The following QTMAN variants were observed in gnomAD, a reference collection of about 807,000 sequenced individuals.
The protein encoded by QTMAN is queuosine-tRNA mannosyltransferase.
At chr2:144,244,676 C>T in the QTMAN span, among the ~76,000 whole-genome samples, 2 of 151,820 alleles carry the variant, frequency 1.3e-5, no homozygotes, top group African/African-American at 4.8e-5. Context: ...TTTTTAAACG[C>T]AAATAATAAT....
the QTMAN span, chr2:143,947,220 C>A: frequency 1.0e-6 from 1 of 970,408 alleles, no homozygotes; most frequent in South Asian, 1.4e-5. Context: ...ATTTATATTG[C>A]AAATTTGCAT....
At chr2:144,152,983 T>C in the QTMAN span, among the ~76,000 whole-genome samples, 3 of 152,168 alleles carry the variant, frequency 2.0e-5, no homozygotes, top group South Asian at 6.2e-4. Context: ...CTAAGAGCAG[T>C]GAAAAACCAG....
the QTMAN span, among the ~76,000 whole-genome samples, chr2:144,131,874 A>G: frequency 1.3e-5 from 2 of 152,022 alleles, no homozygotes; most frequent in African/African-American, 4.8e-5. Context: ...CCTAGCTTCC[A>G]GGGGATTGGT....
chr2:144,271,997 C>A, the QTMAN span, among the ~76,000 whole-genome samples: 2 of 152,148 alleles, frequency 1.3e-5, no homozygotes, highest in African/African-American at 4.8e-5. Context: ...ATCACTTCTA[C>A]CACTATTTAA....
At chr2:143,990,545 G>A in the QTMAN span, among the ~76,000 whole-genome samples, 3 of 152,196 alleles carry the variant, frequency 2.0e-5, no homozygotes, top group Non-Finnish European at 2.9e-5. Context: ...ATGCATGGGA[G>A]AGATGTGAGG....
At chr2:144,243,412 C>T in the QTMAN span, among the ~76,000 whole-genome samples, 1 of 152,096 alleles carries the variant, frequency 6.6e-6, no homozygotes, top group African/African-American at 2.4e-5. Flanking sequence ...AATAACAAGG[C>T]ACTACTAGGG....
At chr2:144,286,505 T>C in the QTMAN span, among the ~76,000 whole-genome samples, 1,442 of 152,350 alleles carry the variant, frequency 9.5e-3, 14 homozygotes, top group Middle Eastern at 0.031. Context: ...CTGAGCTACT[T>C]CATTCCCCTT....
At chr2:144,238,715 T>A in the QTMAN span, among the ~76,000 whole-genome samples, 7 of 152,116 alleles carry the variant, frequency 4.6e-5, no homozygotes, top group East Asian at 1.3e-3. Flanking sequence ...AATAACACAG[T>A]TCTTCCAACC....
chr2:144,164,302 G>A, the QTMAN span, among the ~76,000 whole-genome samples: 1 of 152,082 alleles, frequency 6.6e-6, no homozygotes, highest in African/African-American at 2.4e-5. Context: ...GCCTATGAGA[G>A]TACTCCTCTT....
At chr2:144,082,550 T>C in the QTMAN span, among the ~76,000 whole-genome samples, 1 of 151,670 alleles carries the variant, frequency 6.6e-6, no homozygotes. Flanking sequence ...TTCAGGGTGG[T>C]AGAAAGTAAA....
the QTMAN span, chr2:144,007,493 G>A: frequency 5.9e-4 from 951 of 1,605,736 alleles, no homozygotes; most frequent in Middle Eastern, 5.3e-3. Flanking sequence ...CTTTAAGGCC[G>A]AGCATCTTCT....
chr2:143,994,591 C>T, the QTMAN span, among the ~76,000 whole-genome samples: 1 of 152,148 alleles, frequency 6.6e-6, no homozygotes, highest in African/African-American at 2.4e-5. Context: ...CCTGCTACAA[C>T]ATGGAAGATC....
At chr2:144,007,060 C>T in the QTMAN span, 1 of 615,174 alleles carries the variant, frequency 1.6e-6, no homozygotes, top group Non-Finnish European at 2.8e-6. Flanking sequence ...TTAGTAATAC[C>T]ACCACATTAA....
chr2:143,956,021 C>T, the QTMAN span, among the ~76,000 whole-genome samples: 3 of 152,154 alleles, frequency 2.0e-5, no homozygotes, highest in Admixed American at 2.0e-4. Context: ...CTTTTCAGAG[C>T]CTGTGTTTGC....
chr2:144,147,701 C>T, the QTMAN span, among the ~76,000 whole-genome samples: 1 of 151,648 alleles, frequency 6.6e-6, no homozygotes, highest in Admixed American at 6.6e-5. Context: ...TAAAAGTAGC[C>T]TTCATATGAG....
the QTMAN span, among the ~76,000 whole-genome samples, chr2:144,083,702 G>A: frequency 6.6e-6 from 1 of 152,136 alleles, no homozygotes; most frequent in African/African-American, 2.4e-5. Flanking sequence ...TGAAGACATT[G>A]TGCCTATCCC....
chr2:144,306,863 TA>T, the QTMAN span, among the ~76,000 whole-genome samples: 1 of 151,994 alleles, frequency 6.6e-6, no homozygotes, highest in African/African-American at 2.4e-5. Flanking sequence ...TAACAAGTGT[TA>T]AAAGAAAATA....
chr2:144,005,209 T>C, the QTMAN span, among the ~76,000 whole-genome samples: 2 of 152,086 alleles, frequency 1.3e-5, no homozygotes, highest in Admixed American at 1.3e-4. Context: ...AGACTGTTAT[T>C]AAAAAGATAT....
At chr2:144,074,445 A>G in the QTMAN span, among the ~76,000 whole-genome samples, 2 of 152,224 alleles carry the variant, frequency 1.3e-5, no homozygotes, top group African/African-American at 4.8e-5. Flanking sequence ...TTCCAAGCTC[A>G]TTTAAAAATC....
Sources: allele counts gnomAD v4.1 joint callset (sites outside exome capture counted in the v4.1 genomes callset), GRCh38; gene constraint gnomAD v4.1.1; transcripts MANE v1.5; gene names NCBI Gene and HGNC (gene_info 2026-07-23, HGNC 2026-07-21).